L3MBTL2: variants seen among roughly 807,000 people sequenced by gnomAD.
L3MBTL2 encodes the protein L3MBTL histone methyl-lysine binding protein 2, also known as lethal(3)malignant brain tumor-like protein 2.
L3MBTL2 carries 49 observed loss-of-function variants against 86.4 expected under a neutral mutation model. The observed-to-expected ratio is 0.57, with a 90% CI of 0.45 to 0.72. L3MBTL2 has a LOEUF of 0.72. Among genes scored for constraint, L3MBTL2 ranks in the 30% least tolerant of loss-of-function variants. The pLI is 0.00. For synonymous variants in L3MBTL2, 336 were observed against 350.6 expected (o/e 0.96, Z 0.47); for missense variants, 755 against 923.7 (o/e 0.82, Z 2.37).
Position 41,214,043 on chromosome 22 carries a change from T to G in L3MBTL2, c.396+17T>G. 6.2e-7 allele frequency: 1 copy of G among 1,613,784 alleles called. No homozygotes were observed. Among genetic ancestry groups the G allele is most frequent in the Non-Finnish European group, 8.5e-7 (1 of 1,179,760 alleles). On this transcript the variant is annotated intron_variant, in intron 3 of 16. Coordinates refer to ENST00000216237, the MANE Select transcript of L3MBTL2 (RefSeq NM_031488.5). ...AGGTTACAGGTGAGAGGCAATCACT[T>G]GGATCCTTCCCGGTGCCTTTGGTGC... is the stretch of plus-strand genomic sequence containing the variant.
chr22:41,221,037 G>T (rs181237171), intron 7 of L3MBTL2, among the ~76,000 whole-genome samples, 162 bp from the exon 8 acceptor site: 4 of 152,312 alleles, frequency 2.6e-5, no homozygotes, highest in Non-Finnish European at 5.9e-5. Context: ...GCAGATCCAC[G>T]TGTGGAATCT....
intron 2 of L3MBTL2, among the ~76,000 whole-genome samples, chr22:41,212,396 C>CT (rs10553071): frequency 0.027 from 3,451 of 125,782 alleles, 60 homozygotes; most frequent in Middle Eastern, 0.052. Flanking sequence ...TAGGTTCAGG[C>CT]TTTTTTTTTT....
chr22:41,215,973 C>G (rs775785110), intron 3 of L3MBTL2, among the ~76,000 whole-genome samples, 166 bp from the exon 4 acceptor site: 1 of 152,192 alleles, frequency 6.6e-6, no homozygotes, highest in Non-Finnish European at 1.5e-5. Flanking sequence ...ACAACCACCC[C>G]CTGAGCTCAG....
intron 3 of L3MBTL2, among the ~76,000 whole-genome samples, chr22:41,215,445 G>A (rs2031265415): frequency 1.3e-5 from 2 of 152,138 alleles, no homozygotes; most frequent in Non-Finnish European, 2.9e-5. Context: ...CTGTAGAACT[G>A]GGATTTGCCC....
intron 4 of L3MBTL2, 23 bp from the exon 5 acceptor site, chr22:41,217,100 G>A: frequency 6.2e-7 from 1 of 1,607,470 alleles, no homozygotes; most frequent in Non-Finnish European, 8.5e-7. Flanking sequence ...CTCCTAGTCT[G>A]ACTCGTCCTC....
Position 41,205,403 on chromosome 22 carries a change from T to G in L3MBTL2, c.24+17T>G, listed in dbSNP as rs753922145. 4.8e-5 allele frequency: 78 copies of G among 1,614,006 alleles called. No individual in the cohort carries two copies. The South Asian group carries it at 8.6e-4, about 18-fold the overall frequency. On this transcript the variant is annotated intron_variant, in intron 1 of 16. Coordinates refer to ENST00000216237, the MANE Select transcript of L3MBTL2 (RefSeq NM_031488.5). ...AGTATTGAGGTGAGAAGGCGAGGAC[T>G]TAGCGTGACTGGGAAAGGGAACTCC...
intron 13 of L3MBTL2, 108 bp downstream of exon 13, chr22:41,226,852 T>C: frequency 1.1e-6 from 1 of 876,524 alleles, no homozygotes; most frequent in African/African-American, 1.7e-5. Flanking sequence ...TCTCTACTGC[T>C]GACATCAGCC....
chr22:41,209,532 T>G, intron 1 of L3MBTL2, 164 bp from the exon 2 acceptor site: 2 of 641,826 alleles, frequency 3.1e-6, no homozygotes, highest in Admixed American at 5.1e-5. Context: ...TGCATCATGG[T>G]GGAGAAATGT....
Position 41,224,589 on chromosome 22 carries a change from G to A in L3MBTL2, c.1175-136G>A, listed in dbSNP as rs1029915159. Reference sequence around the variant, plus strand: ...TTTCTGTCTGCTACTCTGGGGTGGGGGGTCCTGAGATACAGAGATACAGCT... The same window carrying A: ...TTTCTGTCTGCTACTCTGGGGTGGGAGGTCCTGAGATACAGAGATACAGCT... On this transcript the variant is annotated intron_variant, in intron 9 of 16. Transcript: ENST00000216237. The surrounding 1 kb of genome is among the most constrained non-coding windows in gnomAD (Gnocchi z 4.9). The A allele has an allele frequency of 3.6e-5, 24 of 667,618 alleles. No individual in the cohort carries two copies. The highest frequency in any genetic ancestry group is 4.8e-5 in the Non-Finnish European group (18 of 372,070). 41.4% of individuals were successfully genotyped at this position (667,618 alleles called of 1,614,324 possible). A position where few individuals can be genotyped will look rare whatever the true frequency, so the allele number is the denominator to read the frequency against.
chr22:41,227,002 C>A lies in L3MBTL2; in HGVS notation c.1588-87C>A. ...CATTCCAGTCCCCGCCCCTCCCTGCCAGTTCTTCAAGTGCCTCCGGGCCGG... is the reference window on the plus strand; with the variant it reads ...CATTCCAGTCCCCGCCCCTCCCTGCAAGTTCTTCAAGTGCCTCCGGGCCGG... On this transcript the variant is annotated intron_variant, in intron 13 of 16. Coordinates refer to ENST00000216237, the MANE Select transcript of L3MBTL2 (RefSeq NM_031488.5). The surrounding 1 kb of genome is among the most constrained non-coding windows in gnomAD (Gnocchi z 6.0). 1 of 1,193,182 alleles carries A rather than the reference C, an allele frequency of 8.4e-7. No individual in the cohort carries two copies. Among genetic ancestry groups the A allele is most frequent in the Non-Finnish European group, 1.2e-6 (1 of 841,218 alleles). 73.9% of individuals were successfully genotyped at this position (1,193,182 alleles called of 1,614,324 possible).
intron 13 of L3MBTL2, 132 bp downstream of exon 13, chr22:41,226,876 A>C (rs528227990): frequency 1.7e-4 from 132 of 775,830 alleles, no homozygotes; most frequent in Non-Finnish European, 2.7e-4. Context: ...TTCAGGGGGA[A>C]GTCCCCAGCT....
In L3MBTL2 at chr22:41,225,764, A is replaced by T. The variant is rs1456304988; in HGVS notation, c.1357-30A>T. On this transcript the variant is annotated intron_variant, in intron 11 of 16. Coordinates refer to ENST00000216237, the MANE Select transcript of L3MBTL2 (RefSeq NM_031488.5). This position sits in a 1 kb window ranked among gnomAD's most constrained non-coding sequence, Gnocchi z 4.1. Reference sequence around the variant, plus strand: ...AGGATGGGGTGCAGTTCATGATATGATCTGTCTGCCTGCTCCCCCCACCCC... The same window carrying T: ...AGGATGGGGTGCAGTTCATGATATGTTCTGTCTGCCTGCTCCCCCCACCCC... 1.9e-6 allele frequency: 3 copies of T among 1,594,466 alleles called. No homozygotes were observed. Among genetic ancestry groups the T allele is most frequent in the Non-Finnish European group, 2.6e-6 (3 of 1,166,108 alleles).
rs1049320787 is a variant in L3MBTL2, at chr22:41,227,730, C to T, written c.1823-74C>T. 10 of 1,608,000 alleles carry T rather than the reference C, an allele frequency of 6.2e-6. No homozygotes were observed. Among genetic ancestry groups the T allele is most frequent in the East Asian group, 2.2e-5 (1 of 44,696 alleles). On this transcript the variant is annotated intron_variant, in intron 14 of 16. Coordinates refer to ENST00000216237, the MANE Select transcript of L3MBTL2 (RefSeq NM_031488.5). This position sits in a 1 kb window ranked among gnomAD's most constrained non-coding sequence, Gnocchi z 6.0. ...TCGTGTGGGAGGGTGGATGGGGTCT[C>T]GGGATGCGCCTGTGCCCTGTGTCCT...
At chr22:41,221,667 C>T (rs2031828591) in intron 8 of L3MBTL2, among the ~76,000 whole-genome samples, 1 of 152,140 alleles carries the variant, frequency 6.6e-6, no homozygotes, top group Non-Finnish European at 1.5e-5. Context: ...AGTGCAGTGG[C>T]GCGATCTCGG....
chr22:41,228,981 A>T (rs997345988), intron 15 of L3MBTL2, among the ~76,000 whole-genome samples: 21 of 152,146 alleles, frequency 1.4e-4, no homozygotes, highest in Non-Finnish European at 2.1e-4. Context: ...ACGGGGGCTG[A>T]GTGTGATGGT....
Position 41,210,551 on chromosome 22 carries a change from G to A in L3MBTL2, c.262+618G>A, listed in dbSNP as rs532363395. Among the ~76,000 whole-genome samples the A allele has an allele frequency of 2.5e-4, 38 of 152,238 alleles. No individual in the cohort carries two copies. In the East Asian group the frequency reaches 5.4e-3, roughly 22 times the overall value. Reference sequence around the variant, plus strand: ...TCACCACGTTAGCCAGGATGGTCTCGATCTCCTGACCTCGTGATCCACCCG... The same window carrying A: ...TCACCACGTTAGCCAGGATGGTCTCAATCTCCTGACCTCGTGATCCACCCG... On this transcript the variant is annotated intron_variant, in intron 2 of 16. Transcript: ENST00000216237.
intron 4 of L3MBTL2, 76 bp from the exon 5 acceptor site, chr22:41,217,047 A>G (rs1167046698): frequency 6.6e-6 from 8 of 1,203,726 alleles, no homozygotes; most frequent in African/African-American, 1.5e-5. Context: ...CAGGTCCCAC[A>G]GGGCCCTTGG....
chr22:41,216,420 G>T (rs2031363590), intron 4 of L3MBTL2, among the ~76,000 whole-genome samples, 158 bp downstream of exon 4: 1 of 152,172 alleles, frequency 6.6e-6, no homozygotes, highest in Admixed American at 6.5e-5. Flanking sequence ...CACCTGTTGG[G>T]TATTGTGGAA....
chr22:41,229,101 T>C (rs58127055), intron 15 of L3MBTL2, among the ~76,000 whole-genome samples: 1 of 151,696 alleles, frequency 6.6e-6, no homozygotes. Flanking sequence ...TTAAAAAAAA[T>C]TTTTAATTAG....
Sources: allele counts gnomAD v4.1 joint callset (sites outside exome capture counted in the v4.1 genomes callset), GRCh38; gene constraint gnomAD v4.1.1; non-coding constraint Gnocchi (gnomAD v3.1); transcripts MANE v1.5; gene names NCBI Gene and HGNC (gene_info 2026-07-23, HGNC 2026-07-21).